Variants in GAREM1 observed in about 807,000 individuals in gnomAD.
GAREM1 encodes the protein GRB2 associated regulator of MAPK1 subtype 1.
GAREM1 carries 26 observed loss-of-function variants against 71.3 expected under a neutral mutation model. The observed-to-expected ratio is 0.36, with a 90% CI of 0.27 to 0.51. The LOEUF (loss-of-function observed/expected upper bound fraction) is 0.51. GAREM1 is among the 20% of genes least tolerant of loss of function. The pLI is 0.95. For missense variants in GAREM1, 1,026 were observed against 1,103.1 expected, an observed-to-expected ratio of 0.93 and a Z score of 0.99; for synonymous variants, 440 against 433.2, an observed-to-expected ratio of 1.02 and a Z score of -0.20.
intron 2 of GAREM1, among the ~76,000 whole-genome samples, chr18:32,316,669 C>T (rs2047380487): frequency 6.6e-6 from 1 of 152,166 alleles, no homozygotes; most frequent in Non-Finnish European, 1.5e-5. Flanking sequence ...TAGTCTCAAA[C>T]TTGTGAGCCT....
At chr18:32,330,022 A>C (rs2047516286) in intron 2 of GAREM1, among the ~76,000 whole-genome samples, 3 of 152,188 alleles carry the variant, frequency 2.0e-5, no homozygotes, top group Admixed American at 2.0e-4. Flanking sequence ...GACAAAAAGA[A>C]AATAAATTGT....
intron 3 of GAREM1, among the ~76,000 whole-genome samples, chr18:32,292,015 G>C (rs2047093077): frequency 6.6e-6 from 1 of 152,158 alleles, no homozygotes; most frequent in Non-Finnish European, 1.5e-5. Flanking sequence ...CCAGTAATGG[G>C]ATTGCTGGGT....
intron 2 of GAREM1, among the ~76,000 whole-genome samples, chr18:32,320,258 T>C (rs1220794695): frequency 6.6e-6 from 1 of 152,220 alleles, no homozygotes; most frequent in Non-Finnish European, 1.5e-5. Context: ...TAATTATTTT[T>C]ATAAGTAATC....
At chr18:32,364,110 C>G (rs1187430166) in intron 2 of GAREM1, among the ~76,000 whole-genome samples, 1 of 141,562 alleles carries the variant, frequency 7.1e-6, no homozygotes, top group Admixed American at 7.2e-5. Context: ...TCTCAGCTCA[C>G]TGCAACCTCC....
At position 32,268,461 on chromosome 18, in the gene GAREM1, T is replaced by G. The variant is rs747122647; in HGVS notation, c.2041A>C (p.Thr681Pro). 2.5e-6 allele frequency: 4 copies of G among 1,614,070 alleles called. No individual in the cohort carries two copies. Among genetic ancestry groups the G allele is most frequent in the Non-Finnish European group, 3.4e-6 (4 of 1,180,004 alleles). Reference sequence around the variant, plus strand: ...CTGAATTCTGCAGTGACTGGGCTAGTGGGGCTGGCCAGGAGCTCACAGCCA... The same window carrying G: ...CTGAATTCTGCAGTGACTGGGCTAGGGGGGCTGGCCAGGAGCTCACAGCCA... ...FDGCELLASP[T>P]SPVTAEFSSS... Residue 681 changes from threonine to proline, a missense_variant, in exon 6 of 6, where the codon ACT (threonine) becomes CCT (proline). By Grantham distance (38) the Thr-to-Pro change is conservative (BLOSUM62 -1). Coordinates refer to ENST00000269209, the MANE Select transcript of GAREM1 (RefSeq NM_001242409.2).
At chr18:32,467,064 T>A (rs1393884276) in intron 1 of GAREM1, among the ~76,000 whole-genome samples, 1 of 152,170 alleles carries the variant, frequency 6.6e-6, no homozygotes, top group Non-Finnish European at 1.5e-5. Context: ...TTATATATTG[T>A]GTAGTGAATA....
At chr18:32,374,087 A>C (rs2048011334) in intron 2 of GAREM1, among the ~76,000 whole-genome samples, 1 of 152,216 alleles carries the variant, frequency 6.6e-6, no homozygotes, top group African/African-American at 2.4e-5. Flanking sequence ...GCTTCCACCA[A>C]AGACCATGAA....
intron 3 of GAREM1, among the ~76,000 whole-genome samples, chr18:32,292,361 G>A (rs1355821738): frequency 6.6e-6 from 1 of 151,884 alleles, no homozygotes; most frequent in African/African-American, 2.4e-5. Flanking sequence ...GTTAATGTAA[G>A]TTATTTTAAA....
chr18:32,457,329 A>G (rs762125503), intron 1 of GAREM1, among the ~76,000 whole-genome samples: 11 of 151,770 alleles, frequency 7.2e-5, no homozygotes, highest in Non-Finnish European at 1.3e-4. Flanking sequence ...AAGTTTTTAA[A>G]TAGTTTTAGG....
Position 32,470,268 on chromosome 18 carries a change from T to C in GAREM1, c.121+40A>G, listed in dbSNP as rs2144327922. On this transcript the variant is annotated intron_variant, in intron 1 of 5. Transcript: ENST00000269209. The surrounding 1 kb of genome is among the most constrained non-coding windows in gnomAD (Gnocchi z 4.4). ...GCGCGCACACCCGCGTGGAGACGGC[T>C]GTCCTCGCCCGTCTGCCCCGCGCCC... The C allele has an allele frequency of 4.1e-6, 6 of 1,458,540 alleles. No homozygotes were observed. The highest frequency in any genetic ancestry group is 5.5e-6 in the Non-Finnish European group (6 of 1,099,776). The allele number at this position is 1,458,540 out of a possible 1,614,324, so 90.3% of individuals were successfully genotyped here.
At chr18:32,421,791 C>T (rs2048521886) in intron 1 of GAREM1, among the ~76,000 whole-genome samples, 1 of 152,026 alleles carries the variant, frequency 6.6e-6, no homozygotes, top group East Asian at 1.9e-4. Flanking sequence ...CCCTTCTTAA[C>T]AGTCTCTTTA....
intron 2 of GAREM1, among the ~76,000 whole-genome samples, chr18:32,328,317 T>C (rs2047493107): frequency 6.6e-6 from 1 of 152,202 alleles, no homozygotes; most frequent in Admixed American, 6.5e-5. Context: ...ACAAAATGAT[T>C]AGAGAGTTGA....
intron 1 of GAREM1, among the ~76,000 whole-genome samples, chr18:32,437,620 G>A (rs2048692069): frequency 6.6e-6 from 1 of 152,012 alleles, no homozygotes. Flanking sequence ...CTGAAACAGG[G>A]AGCCAAGCTG....
At position 32,407,973 on chromosome 18, in the gene GAREM1, CTTT is replaced by C. The variant is rs75877831; in HGVS notation, c.122-14941_122-14939del. On this transcript the variant is annotated intron_variant, in intron 1 of 5. Coordinates refer to ENST00000269209, the MANE Select transcript of GAREM1 (RefSeq NM_001242409.2). ...TCAACACACAAAACTAGAGTTTTGT[CTTT>C]TTTTTTTAAAAAAAAACTAACTCTA... 9.5e-4 allele frequency among the ~76,000 whole-genome samples: 142 copies of C among 149,522 alleles called. 1 individual carries two copies. The East Asian group carries it at 0.018, about 19-fold the overall frequency.
intron 1 of GAREM1, among the ~76,000 whole-genome samples, chr18:32,445,181 G>A (rs2048775172): frequency 6.6e-6 from 1 of 151,958 alleles, no homozygotes; most frequent in Non-Finnish European, 1.5e-5. Context: ...ACACAAACCT[G>A]CTCTTTGATT....
At chr18:32,427,943 A>G (rs2048590135) in intron 1 of GAREM1, among the ~76,000 whole-genome samples, 1 of 152,210 alleles carries the variant, frequency 6.6e-6, no homozygotes, top group South Asian at 2.1e-4. Context: ...AAATTTAAGT[A>G]AAAGTGCATG....
chr18:32,391,004 T>C (rs2048190629), intron 2 of GAREM1, among the ~76,000 whole-genome samples: 1 of 152,170 alleles, frequency 6.6e-6, no homozygotes, highest in Admixed American at 6.5e-5. Flanking sequence ...AGGCTTCAGG[T>C]GTTTTTTAGA....
chr18:32,289,638 T>C (rs1003376729), intron 3 of GAREM1, among the ~76,000 whole-genome samples: 6 of 152,230 alleles, frequency 3.9e-5, no homozygotes, highest in East Asian at 3.8e-4. Flanking sequence ...GCTATGCTTC[T>C]AGCTGAGATG....
intron 2 of GAREM1, among the ~76,000 whole-genome samples, chr18:32,364,039 T>TGTTTTTTTTTGG (rs1567980922): frequency 2.1e-5 from 2 of 93,856 alleles, no homozygotes; most frequent in Non-Finnish European, 2.2e-5. Flanking sequence ...TTTTTTTTTT[T>TGTTTTTTTTTGG]TTTTTTTTTT....
Sources: gnomAD v4.1 joint callset for allele counts (sites outside exome capture counted in the v4.1 genomes callset) on GRCh38, gnomAD v4.1.1 for gene constraint, Gnocchi (gnomAD v3.1) non-coding constraint, MANE v1.5 for transcripts, NCBI Gene and HGNC (gene_info 2026-07-23, HGNC 2026-07-21) for gene names.